REDIC1: variants seen among roughly 807,000 people sequenced by gnomAD.
REDIC1 encodes regulator of DNA class I crossover intermediates 1.
the REDIC1 span, among the ~76,000 whole-genome samples, chr12:39,812,413 C>T: frequency 3.4e-3 from 442 of 131,758 alleles, 4 homozygotes; most frequent in Non-Finnish European, 4.8e-3. Context: ...TTCCTTCCTT[C>T]CTTCCTTCCT....
the REDIC1 span, among the ~76,000 whole-genome samples, chr12:39,660,818 A>G: frequency 6.6e-6 from 1 of 152,000 alleles, no homozygotes. Flanking sequence ...TTCCCTCTGC[A>G]CACATATCTA....
the REDIC1 span, among the ~76,000 whole-genome samples, chr12:39,899,183 T>C: frequency 1.3e-5 from 2 of 152,190 alleles, no homozygotes; most frequent in Non-Finnish European, 2.9e-5. Context: ...TATTCAGAGA[T>C]TGAACTTCTT....
the REDIC1 span, among the ~76,000 whole-genome samples, chr12:39,719,313 G>A: frequency 2.6e-5 from 4 of 152,070 alleles, no homozygotes; most frequent in East Asian, 1.9e-4. Context: ...ATTATAATAA[G>A]TATTTATGAA....
At chr12:39,753,916 A>C in the REDIC1 span, among the ~76,000 whole-genome samples, 2 of 152,174 alleles carry the variant, frequency 1.3e-5, no homozygotes, top group Admixed American at 1.3e-4. Flanking sequence ...GCTGGGATTC[A>C]AATCTAAATG....
At chr12:39,745,575 A>G in the REDIC1 span, among the ~76,000 whole-genome samples, 1 of 152,248 alleles carries the variant, frequency 6.6e-6, no homozygotes, top group Non-Finnish European at 1.5e-5. Flanking sequence ...GTTATTTTAT[A>G]AAGAAAATGT....
At chr12:39,781,269 A>G in the REDIC1 span, among the ~76,000 whole-genome samples, 2 of 152,188 alleles carry the variant, frequency 1.3e-5, no homozygotes, top group Non-Finnish European at 1.5e-5. Context: ...AATTCACTCT[A>G]TCCTCCCTTC....
the REDIC1 span, among the ~76,000 whole-genome samples, chr12:39,706,040 C>T: frequency 6.6e-6 from 1 of 151,952 alleles, no homozygotes; most frequent in African/African-American, 2.4e-5. Flanking sequence ...TCCTTGTTTG[C>T]CAATGATGTG....
the REDIC1 span, among the ~76,000 whole-genome samples, chr12:39,674,475 A>G: frequency 6.6e-6 from 1 of 152,192 alleles, no homozygotes; most frequent in African/African-American, 2.4e-5. Flanking sequence ...AAAGCACTGC[A>G]GAAACATACC....
the REDIC1 span, among the ~76,000 whole-genome samples, chr12:39,873,395 A>G: frequency 6.0e-3 from 914 of 152,312 alleles, 16 homozygotes; most frequent in African/African-American, 0.021. Flanking sequence ...TATAGTTTCC[A>G]AGTTCTACCA....
the REDIC1 span, among the ~76,000 whole-genome samples, chr12:39,794,447 C>T: frequency 1.3e-5 from 2 of 152,164 alleles, no homozygotes; most frequent in Non-Finnish European, 2.9e-5. Flanking sequence ...AAGGTTTCCC[C>T]ATACATAATT....
the REDIC1 span, chr12:39,684,988 A>G: frequency 8.7e-7 from 1 of 1,150,858 alleles, no homozygotes; most frequent in Non-Finnish European, 1.3e-6. Flanking sequence ...ATATCACATT[A>G]CTGTATTTAA....
At chr12:39,834,974 C>T in the REDIC1 span, among the ~76,000 whole-genome samples, 1 of 152,068 alleles carries the variant, frequency 6.6e-6, no homozygotes, top group African/African-American at 2.4e-5. Flanking sequence ...CTAGGAATGG[C>T]TATTACATTT....
At chr12:39,809,560 G>A in the REDIC1 span, among the ~76,000 whole-genome samples, 643 of 152,178 alleles carry the variant, frequency 4.2e-3, 3 homozygotes, top group African/African-American at 0.014. Flanking sequence ...CAACGTGCAG[G>A]TTTGTTACAT....
chr12:39,719,433 C>T, the REDIC1 span, among the ~76,000 whole-genome samples: 1 of 151,960 alleles, frequency 6.6e-6, no homozygotes. Context: ...CGTGACCAGC[C>T]TGGACAACAT....
At chr12:39,694,749 TA>T in the REDIC1 span, among the ~76,000 whole-genome samples, 1 of 65,244 alleles carries the variant, frequency 1.5e-5, no homozygotes, top group African/African-American at 3.5e-5. Context: ...GCACGTGTTC[TA>T]TTGAGACACC....
At chr12:39,728,815 T>G in the REDIC1 span, among the ~76,000 whole-genome samples, 1 of 148,316 alleles carries the variant, frequency 6.7e-6, no homozygotes, top group African/African-American at 2.5e-5. Context: ...GGTAGGCTAT[T>G]AATTACTGCC....
At chr12:39,684,736 A>T in the REDIC1 span, 1 of 625,758 alleles carries the variant, frequency 1.6e-6, no homozygotes, top group Non-Finnish European at 2.7e-6. Flanking sequence ...CATGGAGCTT[A>T]TGAATCTTTA....
the REDIC1 span, among the ~76,000 whole-genome samples, chr12:39,781,432 C>T: frequency 6.6e-6 from 1 of 152,226 alleles, no homozygotes; most frequent in Non-Finnish European, 1.5e-5. Flanking sequence ...ACGTCACCTG[C>T]CATTGTCACC....
chr12:39,884,178 A>T, the REDIC1 span, among the ~76,000 whole-genome samples: 1 of 152,148 alleles, frequency 6.6e-6, no homozygotes, highest in Non-Finnish European at 1.5e-5. Flanking sequence ...TATGTTGCTC[A>T]GGCTGGTCTC....
Sources: gnomAD v4.1 joint callset for allele counts (sites outside exome capture counted in the v4.1 genomes callset) on GRCh38, gnomAD v4.1.1 for gene constraint, MANE v1.5 for transcripts, NCBI Gene and HGNC (gene_info 2026-07-23, HGNC 2026-07-21) for gene names.